The following LRP6 variants were observed in gnomAD, a reference collection of about 807,000 sequenced individuals.
The protein encoded by LRP6 is low-density lipoprotein receptor-related protein 6.
LRP6 carries 43 observed loss-of-function variants against 184.1 expected under a neutral mutation model. That is an observed-to-expected ratio of 0.23 (90% CI 0.18 to 0.30). The LOEUF is 0.30. LRP6 is among the 10% of genes least tolerant of loss of function. The pLI is 1.00. For missense variants in LRP6, 1,571 were observed against 2,005.3 expected (o/e 0.78, Z 4.14); for synonymous variants, 719 against 684.9 (o/e 1.05, Z -0.78).
chr12:12,180,052 G>A (rs1175529389), intron 6 of LRP6, 71 bp from the exon 7 acceptor site: 12 of 1,275,930 alleles, frequency 9.4e-6, no homozygotes, highest in Admixed American at 3.5e-5. Context: ...CTAAAGGTGA[G>A]ATCCATCCCT....
At chr12:12,204,956 C>A (rs1318713637) in intron 2 of LRP6, among the ~76,000 whole-genome samples, 1 of 149,626 alleles carries the variant, frequency 6.7e-6, no homozygotes, top group African/African-American at 2.5e-5. Flanking sequence ...AACAAGACTC[C>A]GTCTCAAAAA....
rs904106388 is a variant in LRP6 at position 12,219,030 on chromosome 12, G to A, written c.450-15630C>T. The stretch of plus-strand genomic sequence containing the variant: ...GAGGCGGGTGATCACCTGAGGTCAG[G>A]AGTTTGAGACCAGCCTGGCCGACAT... On this transcript the variant is annotated intron_variant, in intron 2 of 22. Coordinates refer to ENST00000261349, the MANE Select transcript of LRP6 (RefSeq NM_002336.3). Among the ~76,000 whole-genome samples the A allele has an allele frequency of 2.0e-5, 3 of 152,118 alleles. No individual in the cohort carries two copies. The East Asian group carries it at 5.8e-4, about 29-fold the overall frequency.
At chr12:12,187,211 CATT>C (rs761243246) in intron 3 of LRP6, 92 bp from the exon 4 acceptor site, 3 of 1,012,418 alleles carry the variant, frequency 3.0e-6, no homozygotes, top group Non-Finnish European at 4.6e-6. Context: ...TCTTAGTTCA[CATT>C]AACACATACA....
chr12:12,202,742 A>G (rs2137041432), intron 3 of LRP6, among the ~76,000 whole-genome samples: 1 of 152,190 alleles, frequency 6.6e-6, no homozygotes, highest in East Asian at 1.9e-4. Flanking sequence ...TCAAAGTTCC[A>G]TTAGCAGGAC....
intron 13 of LRP6, 22 bp from the exon 14 acceptor site, chr12:12,149,175 G>A (rs2136915347): frequency 6.2e-7 from 1 of 1,601,806 alleles, no homozygotes. Context: ...AAGAAATACA[G>A]AGAAAATTAA....
chr12:12,165,264 A>G lies in LRP6; in HGVS notation c.1577T>C (p.Val526Ala), dbSNP rs149789798. The G allele has an allele frequency of 3.7e-6, 6 of 1,613,706 alleles. No homozygotes were observed. In the African/African-American group the frequency reaches 6.7e-5, roughly 18 times the overall value. Residue 526 changes from valine (V) to alanine (A), a missense_variant, in exon 8 of 23, where the codon GTA (valine) becomes GCA (alanine). By Grantham distance (64) the Val-to-Ala change is moderately conservative (BLOSUM62 0). Transcript: ENST00000261349. ...VMNTDGTGRR[V>A]LVEDKIPHIF... ...GTGAGGAATTTTGTCTTCCACTAGT[A>G]CTCGTCTCCCAGTGCCATCAGTATT...
intron 2 of LRP6, among the ~76,000 whole-genome samples, chr12:12,241,618 G>T (rs1865067214): frequency 6.6e-6 from 1 of 151,934 alleles, no homozygotes; most frequent in Non-Finnish European, 1.5e-5. Context: ...GTTAAAGCTG[G>T]GGAGGGGGGT....
At position 12,118,372 on chromosome 12, in the gene LRP6, T is replaced by A. The variant is rs1949547126; in HGVS notation, c.*2754A>T. On this transcript the variant is annotated 3_prime_UTR_variant, in exon 23 of 23. Coordinates refer to ENST00000261349, the MANE Select transcript of LRP6 (RefSeq NM_002336.3). Reference sequence around the variant, plus strand: ...TTACTGTGGTGCACACAAAGTATGTTATGCTCAAGTTTATTTCTTGGACAA... The same window carrying A: ...TTACTGTGGTGCACACAAAGTATGTAATGCTCAAGTTTATTTCTTGGACAA... The A allele has an allele frequency of 6.6e-6, 1 of 152,248 alleles. No individual in the cohort carries two copies. The highest frequency in any genetic ancestry group is 2.4e-5 in the African/African-American group (1 of 41,460). The allele number at this position is 152,248 out of a possible 1,614,324, so 9.4% of individuals were successfully genotyped here. A position where few individuals can be genotyped will look rare whatever the true frequency, so the allele number is the denominator to read the frequency against.
At chr12:12,156,593 C>T (rs1381390475) in intron 12 of LRP6, among the ~76,000 whole-genome samples, 1 of 152,168 alleles carries the variant, frequency 6.6e-6, no homozygotes, top group African/African-American at 2.4e-5. Context: ...TTTCCATTCA[C>T]GTTTTAATGT....
intron 2 of LRP6, among the ~76,000 whole-genome samples, chr12:12,225,114 C>T (rs1484843164): frequency 1.3e-5 from 2 of 151,972 alleles, no homozygotes; most frequent in African/African-American, 2.4e-5. Flanking sequence ...CTGAGGCAGG[C>T]GAATCGCTTG....
intron 7 of LRP6, among the ~76,000 whole-genome samples, chr12:12,167,503 C>T (rs557966701): frequency 3.9e-5 from 6 of 152,052 alleles, no homozygotes; most frequent in Non-Finnish European, 5.9e-5. Flanking sequence ...ATTTGCTGGG[C>T]GTGGTGGCGC....
At chr12:12,187,348 T>A in intron 3 of LRP6, 1 of 538,620 alleles carries the variant, frequency 1.9e-6, no homozygotes, top group South Asian at 2.1e-5. Context: ...AGTCCCTAAC[T>A]TGGCAGCAGC....
At chr12:12,262,970 T>C (rs1865656439) in intron 1 of LRP6, among the ~76,000 whole-genome samples, 1 of 151,898 alleles carries the variant, frequency 6.6e-6, no homozygotes, top group Non-Finnish European at 1.5e-5. Flanking sequence ...TGTGTGAATC[T>C]GGGCCAGGCG....
Position 12,159,784 on chromosome 12 carries a change from C to T in LRP6, c.2460G>A (p.Met820Ile). The stretch of plus-strand genomic sequence containing the variant: ...GTAAAAAGTAGTAAAGCTTACCAAG[C>T]ATATTTGAAGATTCTATTAAGTTGG... ...LDTNLIESSN[M>I]LGLNREVIAD... is the part of the protein sequence containing the mutation. Residue 820 changes from methionine to isoleucine, a missense_variant, in exon 11 of 23, where the codon ATG becomes ATA. This residue lies in a region of LRP6 where 158 missense variants were observed against 258.4 expected (regional missense o/e 0.61). Transcript: ENST00000261349. 6.2e-7 allele frequency: 1 copy of T among 1,613,990 alleles called. No homozygotes were observed. Among genetic ancestry groups the T allele is most frequent in the Non-Finnish European group, 8.5e-7 (1 of 1,179,912 alleles).
At chr12:12,218,400 C>T (rs1362828153) in intron 2 of LRP6, among the ~76,000 whole-genome samples, 1 of 151,172 alleles carries the variant, frequency 6.6e-6, no homozygotes, top group Non-Finnish European at 1.5e-5. Context: ...TCGCTTGAGC[C>T]CAGGGAGTTG....
At chr12:12,238,666 T>C (rs1163292499) in intron 2 of LRP6, among the ~76,000 whole-genome samples, 3 of 152,142 alleles carry the variant, frequency 2.0e-5, no homozygotes, top group African/African-American at 7.2e-5. Context: ...CAACTAATTA[T>C]CATTTCAAGA....
chr12:12,131,097 ATTTTTTTT>A (rs35705276), intron 18 of LRP6, among the ~76,000 whole-genome samples: 5 of 78,196 alleles, frequency 6.4e-5, no homozygotes, highest in South Asian at 1.5e-3. Flanking sequence ...ATTTCCTAAC[ATTTTTTTT>A]TTTTTTTTTT....
intron 2 of LRP6, among the ~76,000 whole-genome samples, chr12:12,240,598 A>C (rs1865039481): frequency 6.6e-6 from 1 of 152,098 alleles, no homozygotes; most frequent in South Asian, 2.1e-4. Flanking sequence ...ATAATAAATA[A>C]AAATACATAC....
intron 1 of LRP6, among the ~76,000 whole-genome samples, chr12:12,255,373 C>T (rs1160216845): frequency 6.6e-6 from 1 of 151,726 alleles, no homozygotes; most frequent in East Asian, 1.9e-4. Flanking sequence ...CCTATTTGGC[C>T]CACATTCCCA....
Sources: allele counts gnomAD v4.1 joint callset (sites outside exome capture counted in the v4.1 genomes callset), GRCh38; gene constraint gnomAD v4.1.1; regional missense constraint gnomAD v4.1.1; transcripts MANE v1.5; gene names NCBI Gene and HGNC (gene_info 2026-07-23, HGNC 2026-07-21).